SEMA6A: variants seen among roughly 807,000 people sequenced by gnomAD.
SEMA6A encodes semaphorin-6A.
In SEMA6A, 25 loss-of-function variants were observed where a neutral mutation model predicts 96.8. That is an observed-to-expected ratio of 0.26 (90% CI 0.19 to 0.36). The LOEUF (loss-of-function observed/expected upper bound fraction) is 0.36, where lower values mean the gene tolerates loss of function less well. Among genes scored for constraint, SEMA6A ranks in the 10% least tolerant of loss-of-function variants. SEMA6A has a pLI of 1.00. For missense variants in SEMA6A, 1,363 were observed against 1,323.1 expected (o/e 1.03, Z -0.47); for synonymous variants, 612 against 518.0 (o/e 1.18, Z -2.46).
At chr5:116,532,692 TTTCCC>T (rs1288379238) in intron 1 of SEMA6A, among the ~76,000 whole-genome samples, 1 of 152,174 alleles carries the variant, frequency 6.6e-6, no homozygotes, top group Non-Finnish European at 1.5e-5. Context: ...TGCTGACTCT[TTTCCC>T]TTCCCTTCTC....
chr5:116,508,482 C>T (rs552330154), intron 1 of SEMA6A, among the ~76,000 whole-genome samples: 1 of 152,264 alleles, frequency 6.6e-6, no homozygotes, highest in Admixed American at 6.5e-5. Context: ...TGGACCCAGC[C>T]AGAGTACCAC....
intron 1 of SEMA6A, among the ~76,000 whole-genome samples, chr5:116,518,883 A>T (rs1253757188): frequency 6.6e-6 from 1 of 152,236 alleles, no homozygotes; most frequent in Non-Finnish European, 1.5e-5. Context: ...AACGTCTTTC[A>T]AAGAGGAGAT....
rs916279479 is a variant in SEMA6A at position 116,447,198 on chromosome 5, G to A, written c.2508C>T (p.Ser836=). 6 of 1,614,016 alleles carry A rather than the reference G, an allele frequency of 3.7e-6. No homozygotes were observed. The highest frequency in any genetic ancestry group is 5.1e-6 in the Non-Finnish European group (6 of 1,179,898). ...QHEYVDQPKM[S]EVAQMALEDQ... ...CCTCCAGCGCCATCTGGGCCACCTC[G>A]CTCATTTTGGGCTGGTCCACGTACT... Residue 836 remains serine (S), a synonymous_variant, in exon 19 of 19, where the codon AGC becomes AGT. Coordinates refer to ENST00000343348, the MANE Select transcript of SEMA6A (RefSeq NM_020796.5).
At chr5:116,495,696 T>C in intron 5 of SEMA6A, 182 bp from the exon 6 acceptor site, 3 of 547,206 alleles carry the variant, frequency 5.5e-6, no homozygotes, top group Non-Finnish European at 3.2e-6. Context: ...ACGATTACTC[T>C]TTCAACGTAA....
At chr5:116,474,610 A>C (rs1023465141) in intron 16 of SEMA6A, among the ~76,000 whole-genome samples, 1 of 152,222 alleles carries the variant, frequency 6.6e-6, no homozygotes, top group Non-Finnish European at 1.5e-5. Context: ...TAAAAAAGAT[A>C]AGGTAGAAAG....
chr5:116,471,697 G>A (rs1756158765), intron 17 of SEMA6A: 2 of 152,198 alleles, frequency 1.3e-5, no homozygotes, highest in Admixed American at 1.3e-4. Flanking sequence ...AAGGAGGCCA[G>A]TCAGGAGAAA....
At chr5:116,489,881 A>G (rs182488614) in intron 7 of SEMA6A, among the ~76,000 whole-genome samples, 3 of 152,328 alleles carry the variant, frequency 2.0e-5, no homozygotes, top group Non-Finnish European at 2.9e-5. Flanking sequence ...AGCAAAATCT[A>G]TGTTGATTAC....
At chr5:116,513,785 C>A (rs1758534523) in intron 1 of SEMA6A, among the ~76,000 whole-genome samples, 1 of 152,044 alleles carries the variant, frequency 6.6e-6, no homozygotes, top group Non-Finnish European at 1.5e-5. Flanking sequence ...CCTTCCATGC[C>A]CTGCCCTCTG....
intron 1 of SEMA6A, among the ~76,000 whole-genome samples, chr5:116,513,020 AAGGT>A (rs1327418984): frequency 2.6e-5 from 4 of 152,162 alleles, no homozygotes; most frequent in Non-Finnish European, 4.4e-5. Flanking sequence ...TTGTGGGTAC[AAGGT>A]AGGTGTATAT....
intron 1 of SEMA6A, among the ~76,000 whole-genome samples, chr5:116,530,671 T>C: frequency 6.6e-6 from 1 of 152,182 alleles, no homozygotes; most frequent in East Asian, 1.9e-4. Context: ...TATTTAAAAC[T>C]GTTTGGACTT....
intron 18 of SEMA6A, among the ~76,000 whole-genome samples, chr5:116,451,597 C>T (rs1054150091): frequency 5.3e-5 from 8 of 151,982 alleles, no homozygotes; most frequent in African/African-American, 1.9e-4. Flanking sequence ...CATTTATAAC[C>T]CTTGCCATCC....
Position 116,495,515 on chromosome 5 carries a change from C to A in SEMA6A, c.343-1G>T. The A allele has an allele frequency of 6.3e-7, 1 of 1,579,530 alleles. No individual in the cohort carries two copies. The highest frequency in any genetic ancestry group is 2.3e-5 in the East Asian group (1 of 43,974). ...CTTTAATAAAGTTGTGGCACTCATC[C>A]TGAAAAATAATTCAAACTGTTTTGT... On this transcript the variant is annotated splice_acceptor_variant, in intron 5 of 18. Coordinates refer to ENST00000343348, the MANE Select transcript of SEMA6A (RefSeq NM_020796.5). LOFTEE classifies it high-confidence loss of function.
chr5:116,520,965 A>G (rs115857583), intron 1 of SEMA6A, among the ~76,000 whole-genome samples: 3,458 of 152,296 alleles, frequency 0.023, 56 homozygotes, highest in Admixed American at 0.034. Flanking sequence ...CTCTGTTGTA[A>G]TAATGTCCCT....
At chr5:116,522,466 G>C (rs531846882) in intron 1 of SEMA6A, among the ~76,000 whole-genome samples, 1 of 152,258 alleles carries the variant, frequency 6.6e-6, no homozygotes, top group South Asian at 2.1e-4. Flanking sequence ...AGGCATTGTG[G>C]TGTCAGTAGT....
intron 1 of SEMA6A, among the ~76,000 whole-genome samples, chr5:116,535,658 G>A (rs1361516663): frequency 1.3e-5 from 2 of 152,198 alleles, no homozygotes; most frequent in African/African-American, 2.4e-5. Context: ...GGCTAAGACT[G>A]AGCTGAGGGG....
At chr5:116,520,884 G>T (rs1384772661) in intron 1 of SEMA6A, among the ~76,000 whole-genome samples, 6 of 152,188 alleles carry the variant, frequency 3.9e-5, no homozygotes, top group African/African-American at 1.4e-4. Context: ...ACTGTTCAGA[G>T]CAGGAAGCCA....
intron 1 of SEMA6A, among the ~76,000 whole-genome samples, chr5:116,516,618 T>C (rs1035209230): frequency 1.3e-5 from 2 of 152,224 alleles, no homozygotes; most frequent in Non-Finnish European, 2.9e-5. Flanking sequence ...AGGCAGTTTA[T>C]CAGTTTGAAT....
chr5:116,514,933 A>C (rs1173864931), intron 1 of SEMA6A, among the ~76,000 whole-genome samples: 1 of 152,240 alleles, frequency 6.6e-6, no homozygotes, highest in East Asian at 1.9e-4. Flanking sequence ...CACATACACA[A>C]ATTAACAATA....
intron 3 of SEMA6A, chr5:116,498,976 A>T (rs1385616275): frequency 1.3e-5 from 2 of 152,168 alleles, no homozygotes; most frequent in African/African-American, 4.8e-5. Context: ...CAGTTTAGAG[A>T]TTAAAAAAGA....
Sources: gnomAD v4.1 joint callset for allele counts (sites outside exome capture counted in the v4.1 genomes callset) on GRCh38, gnomAD v4.1.1 for gene constraint, MANE v1.5 for transcripts, NCBI Gene and HGNC (gene_info 2026-07-23, HGNC 2026-07-21) for gene names.